Variants in UBE4A observed in about 807,000 individuals in gnomAD.
UBE4A encodes the protein ubiquitin conjugation factor E4 A.
A neutral mutation model predicts 117.9 loss-of-function variants in UBE4A; 48 were observed. That is an observed-to-expected ratio of 0.41 (90% confidence interval 0.32 to 0.52). The LOEUF (loss-of-function observed/expected upper bound fraction) is 0.52, where lower values mean the gene tolerates loss of function less well. Among genes scored for constraint, UBE4A ranks in the 20% least tolerant of loss-of-function variants. The probability of loss-of-function intolerance (pLI) is 0.33; values close to 1 mark genes in which losing one functional copy is unlikely to be tolerated. For synonymous variants in UBE4A, 407 were observed against 450.0 expected (o/e 0.90, Z 1.21); for missense variants, 1,067 against 1,296.3 (o/e 0.82, Z 2.72).
Position 118,396,382 on chromosome 11 carries a change from A to G in UBE4A, c.3143A>G (p.Lys1048Arg). Residue 1048 changes from lysine to arginine, a missense_variant, in exon 20 of 20, where the codon AAA becomes AGA. Around this residue, in one of 3 missense-constraint regions of UBE4A, gnomAD observed 32 missense variants for 34.5 expected, o/e 0.93. Coordinates refer to ENST00000252108, the MANE Select transcript of UBE4A (RefSeq NM_001204077.2). ...MDQIRPNTEL[K>R]EKIQRWLAER... is the part of the protein sequence containing the mutation. ...CAGATCCGGCCAAACACAGAACTAA[A>G]AGAAAAAATCCAACGGTGGCTTGCA... 1 of 1,614,044 alleles carries G rather than the reference A, an allele frequency of 6.2e-7. No individual in the cohort carries two copies. The highest frequency in any genetic ancestry group is 1.3e-5 in the African/African-American group (1 of 75,032).
Position 118,379,436 on chromosome 11 carries a change from T to C in UBE4A, c.1572-10T>C. ...CCCTGACCCAGTCTCTTCTGCTTTC[T>C]TGGGGGCAGGTTGCATGATCAGATG... On this transcript the variant is annotated splice_polypyrimidine_tract_variant and intron_variant, in intron 10 of 19. Coordinates refer to ENST00000252108, the MANE Select transcript of UBE4A (RefSeq NM_001204077.2). The C allele has an allele frequency of 6.2e-7, 1 of 1,609,584 alleles. No homozygotes were observed. The highest frequency in any genetic ancestry group is 8.5e-7 in the Non-Finnish European group (1 of 1,176,898).
chr11:118,369,261 G>GA (rs968228398), intron 3 of UBE4A, among the ~76,000 whole-genome samples, 162 bp from the exon 4 acceptor site: 87 of 150,990 alleles, frequency 5.8e-4, no homozygotes, highest in African/African-American at 1.9e-3. Flanking sequence ...ACTAGAGGGG[G>GA]AAAAAAAAAG....
At position 118,381,371 on chromosome 11, in the gene UBE4A, G is replaced by A; in HGVS notation, c.1877-20G>A. The A allele has an allele frequency of 6.2e-7, 1 of 1,613,596 alleles. No individual in the cohort carries two copies. The highest frequency in any genetic ancestry group is 8.5e-7 in the Non-Finnish European group (1 of 1,179,666). ...ATATACAGATGTTTGGCTAATTCCA[G>A]TGAATATTTTCTTTTTCAGAATTTT... On this transcript the variant is annotated intron_variant, in intron 11 of 19. Transcript: ENST00000252108.
At chr11:118,385,806 C>T (rs532712536) in intron 15 of UBE4A, among the ~76,000 whole-genome samples, 62 of 152,298 alleles carry the variant, frequency 4.1e-4, no homozygotes, top group African/African-American at 1.3e-3. Flanking sequence ...CATAATCCTA[C>T]GCTTTAGGAT....
At chr11:118,381,727 A>T (rs1948707162) in intron 12 of UBE4A, among the ~76,000 whole-genome samples, 1 of 152,240 alleles carries the variant, frequency 6.6e-6, no homozygotes, top group Non-Finnish European at 1.5e-5. Context: ...TTGTCCACAG[A>T]GAATTTAATC....
At chr11:118,365,001 C>T in intron 1 of UBE4A, 39 bp from the exon 2 acceptor site, 1 of 1,473,208 alleles carries the variant, frequency 6.8e-7, no homozygotes. Context: ...GCTATTGTGT[C>T]ATCTGCCCTC....
In UBE4A at chr11:118,371,609, A is replaced by G. The variant is rs145949976; in HGVS notation, c.504A>G (p.Ala168=). 2.5e-4 allele frequency: 398 copies of G among 1,613,942 alleles called. 2 individuals carry two copies. In the Middle Eastern group the frequency reaches 3.6e-3, roughly 15 times the overall value. Residue 168 remains alanine, a synonymous_variant, in exon 5 of 20, where the codon GCA becomes GCG. Transcript: ENST00000252108. ...TTLNLSADRD[A]GERHIFCYLY... ...TAAATCTCTCTGCTGATCGAGATGC[A>G]GGAGAGAGGCACATTTTTTGTTACC...
At chr11:118,361,549 T>C (rs557083419) in intron 1 of UBE4A, among the ~76,000 whole-genome samples, 9 of 152,308 alleles carry the variant, frequency 5.9e-5, no homozygotes, top group African/African-American at 2.2e-4. Context: ...TTAGCCCTTT[T>C]TTAATGAAAA....
Position 118,375,100 on chromosome 11 carries a change from G to A in UBE4A, c.1321G>A (p.Ala441Thr), listed in dbSNP as rs1555125157. ...TGCTTTCTTTCTGAATCTGGGTGCT[G>A]CTCTCCTGAAGCTATGCCAGCCATT... is the stretch of plus-strand genomic sequence containing the variant. ...SDAFFLNLGA[A>T]LLKLCQPFCK... The change falls in exon 9 of 20, where the codon GCT becomes ACT. Residue 441 changes from alanine to threonine, a missense_variant. By Grantham distance (58) the Ala-to-Thr change is moderately conservative. Transcript: ENST00000252108. 1 of 1,614,204 alleles carries A rather than the reference G, an allele frequency of 6.2e-7. No individual in the cohort carries two copies. Among genetic ancestry groups the A allele is most frequent in the Non-Finnish European group, 8.5e-7 (1 of 1,180,032 alleles).
chr11:118,396,359 G>T lies in UBE4A; in HGVS notation c.3120G>T (p.Gln1040His), dbSNP rs1555129713. The T allele has an allele frequency of 6.2e-7, 1 of 1,613,856 alleles. No individual in the cohort carries two copies. The highest frequency in any genetic ancestry group is 1.7e-5 in the Admixed American group (1 of 59,998). Residue 1040 changes from glutamine (Q) to histidine (H), a missense_variant, in exon 20 of 20, where the codon CAG (glutamine) becomes CAT (histidine). Gln to His is a conservative substitution (Grantham distance 24). This residue lies in a region of UBE4A where 32 missense variants were observed against 34.5 expected (regional missense o/e 0.93). Coordinates refer to ENST00000252108, the MANE Select transcript of UBE4A (RefSeq NM_001204077.2). ...ACCGTAGTCCCCTCACCATGGACCA[G>T]ATCCGGCCAAACACAGAACTAAAAG... is the stretch of plus-strand genomic sequence containing the variant. The part of the protein sequence containing the change: ...PFNRSPLTMD[Q>H]IRPNTELKEK...
chr11:118,388,790 G>A (rs782818214), intron 16 of UBE4A, among the ~76,000 whole-genome samples: 23 of 152,142 alleles, frequency 1.5e-4, no homozygotes, highest in Middle Eastern at 3.4e-3. Context: ...GTTACAACTG[G>A]AAAAGTCAGC....
intron 10 of UBE4A, among the ~76,000 whole-genome samples, chr11:118,377,856 T>C (rs1948666876): frequency 6.7e-6 from 1 of 148,784 alleles, no homozygotes; most frequent in African/African-American, 2.5e-5. Flanking sequence ...GAGACTGCAG[T>C]GAGCCGAGAT....
intron 12 of UBE4A, 115 bp downstream of exon 12, chr11:118,381,638 G>A: frequency 7.2e-7 from 1 of 1,388,862 alleles, no homozygotes; most frequent in Non-Finnish European, 9.7e-7. Context: ...AGAAGTTATG[G>A]TAACATTAAG....
In UBE4A at chr11:118,373,213, A is replaced by T. The variant is rs1948623533; in HGVS notation, c.849A>T (p.Leu283=). The T allele has an allele frequency of 6.2e-7, 1 of 1,613,842 alleles. No individual in the cohort carries two copies. Among genetic ancestry groups the T allele is most frequent in the East Asian group, 2.2e-5 (1 of 44,870 alleles). The change falls in exon 7 of 20, where the codon CTA becomes CTT. Residue 283 remains leucine, a synonymous_variant. Coordinates refer to ENST00000252108, the MANE Select transcript of UBE4A (RefSeq NM_001204077.2). ...FDILLGRIKD[L]ELCQILLYAY... is the part of the protein sequence containing the mutation. ...TTTTATTGGGCCGAATAAAAGATCT[A>T]GAGCTCTGTCAGATCCTTTTGTATG...
Position 118,379,665 on chromosome 11 carries a change from A to G in UBE4A, c.1791A>G (p.Gln597=), listed in dbSNP as rs782405650. The G allele has an allele frequency of 8.7e-6, 14 of 1,614,226 alleles. No individual in the cohort carries two copies. The highest frequency in any genetic ancestry group is 1.3e-5 in the African/African-American group (1 of 75,064). Residue 597 remains glutamine, a synonymous_variant, in exon 11 of 20, where the codon CAA becomes CAG. Transcript: ENST00000252108. ...TGTCCATGGCTGTTCTACTGGTTCA[A>G]CTGGCCATAGGCAATGAGGGCTCAC... ...LQVSMAVLLV[Q]LAIGNEGSQP... is the part of the protein sequence containing the mutation.
chr11:118,371,390 C>T, intron 4 of UBE4A, 124 bp from the exon 5 acceptor site: 5 of 1,220,456 alleles, frequency 4.1e-6, no homozygotes, highest in South Asian at 1.8e-5. Flanking sequence ...CTTTTTTTCT[C>T]CTTCACTCTA....
At chr11:118,376,784 T>C in intron 10 of UBE4A, 90 bp downstream of exon 10, 1 of 1,458,808 alleles carries the variant, frequency 6.9e-7, no homozygotes, top group South Asian at 1.4e-5. Context: ...GCACAGTAGC[T>C]CACATCTTTA....
intron 16 of UBE4A, among the ~76,000 whole-genome samples, chr11:118,389,235 T>C (rs1218901986): frequency 6.6e-6 from 1 of 152,226 alleles, no homozygotes; most frequent in African/African-American, 2.4e-5. Context: ...TAGCCACATG[T>C]GGCTAGTGTG....
intron 2 of UBE4A, 53 bp from the exon 3 acceptor site, chr11:118,368,578 C>T: frequency 1.3e-6 from 2 of 1,559,538 alleles, no homozygotes; most frequent in Non-Finnish European, 1.8e-6. Flanking sequence ...TGGTAGCATG[C>T]TTGGTTCTCT....
Sources: gnomAD v4.1 joint callset for allele counts (sites outside exome capture counted in the v4.1 genomes callset) on GRCh38, gnomAD v4.1.1 for gene constraint, gnomAD v4.1.1 regional missense constraint, MANE v1.5 for transcripts, NCBI Gene and HGNC (gene_info 2026-07-23, HGNC 2026-07-21) for gene names.